The following IP6K3 variants were observed in gnomAD, a reference collection of about 807,000 sequenced individuals.
IP6K3 encodes the protein ATP:1D-myo-inositol-hexakisphosphate phosphotransferase.
IP6K3 carries 20 observed loss-of-function variants against 28.8 expected under a neutral mutation model. The observed-to-expected ratio is 0.70, with a 90% CI of 0.49 to 1.01. The LOEUF (loss-of-function observed/expected upper bound fraction) is 1.01, where lower values mean the gene tolerates loss of function less well. IP6K3 is among the 50% of genes least tolerant of loss of function. The pLI is 0.00. For missense variants in IP6K3, 480 were observed against 537.1 expected, an observed-to-expected ratio of 0.89 and a Z score of 1.05; for synonymous variants, 213 against 221.3, an observed-to-expected ratio of 0.96 and a Z score of 0.33.
At chr6:33,736,740 A>C (rs571487877) in intron 1 of IP6K3, among the ~76,000 whole-genome samples, 1 of 152,164 alleles carries the variant, frequency 6.6e-6, no homozygotes, top group Non-Finnish European at 1.5e-5. Context: ...ATGGGTGTGC[A>C]TCATTGATTT....
chr6:33,724,596 T>C (rs913145696), intron 5 of IP6K3, among the ~76,000 whole-genome samples: 3 of 152,186 alleles, frequency 2.0e-5, no homozygotes, highest in African/African-American at 7.2e-5. Flanking sequence ...GGTTATGAGC[T>C]TCCCACTTTA....
chr6:33,755,225 G>C, the IP6K3 span, among the ~76,000 whole-genome samples: 1 of 152,260 alleles, frequency 6.6e-6, no homozygotes, highest in Non-Finnish European at 1.5e-5. Context: ...CAGAAACCCA[G>C]ACCCCAAGTT....
At chr6:33,729,193 G>T (rs562240566) in intron 2 of IP6K3, among the ~76,000 whole-genome samples, 1 of 152,234 alleles carries the variant, frequency 6.6e-6, no homozygotes, top group Admixed American at 6.5e-5. Context: ...ACCCTTTAGC[G>T]TCCTTCCTCT....
chr6:33,741,977 A>C (rs138050513), intron 1 of IP6K3, among the ~76,000 whole-genome samples: 2 of 736 alleles, frequency 2.7e-3, no homozygotes, highest in East Asian at 0.083. Flanking sequence ...AAAACAAGCA[A>C]AAAAAAAAAA....
chr6:33,723,731 T>C (rs1315286975), intron 5 of IP6K3, among the ~76,000 whole-genome samples: 1 of 152,116 alleles, frequency 6.6e-6, no homozygotes, highest in Non-Finnish European at 1.5e-5. Flanking sequence ...AAAGACAGGC[T>C]AGGTCAGGTG....
chr6:33,722,207 TCCTGTGTCACC>T lies in IP6K3; in HGVS notation c.*502_*512del. The stretch of plus-strand genomic sequence containing the variant: ...AGATGGGTAGATCTCTTCTGCTTCA[TCCTGTGTCACC>T]TAAAACTCCGCTTAGGAAGATAAGA... On this transcript the variant is annotated 3_prime_UTR_variant, in exon 6 of 6. Transcript: ENST00000293756. 1.3e-5 allele frequency: 2 copies of T among 152,600 alleles called. No individual in the cohort carries two copies. The highest frequency in any genetic ancestry group is 2.0e-4 in the East Asian group (1 of 5,120). 9.5% of individuals were successfully genotyped at this position (152,600 alleles called of 1,614,324 possible).
upstream of IP6K3, among the ~76,000 whole-genome samples, chr6:33,750,902 C>T (rs1441715150): frequency 6.6e-6 from 1 of 152,188 alleles, no homozygotes; most frequent in Non-Finnish European, 1.5e-5. The surrounding 1 kb of genome is among the most constrained non-coding windows in gnomAD (Gnocchi z 4.3). Context: ...CAACCTCCAC[C>T]TCATTCTAGG....
chr6:33,748,861 G>GC (rs1166027192), upstream of IP6K3, among the ~76,000 whole-genome samples: 9 of 151,982 alleles, frequency 5.9e-5, no homozygotes, highest in African/African-American at 2.2e-4. Context: ...GTGGGGTGGG[G>GC]ATCCGATCCT....
rs371518355 is a variant in IP6K3, at chr6:33,722,768, G to A, written c.1185C>T (p.Gly395=). Residue 395 remains glycine, a synonymous_variant, in exon 6 of 6, where the codon GGC becomes GGT. Transcript: ENST00000293756. ...YDGPDPGYIF[G]LENLIRILQD... is the part of the protein sequence containing the mutation. The stretch of plus-strand genomic sequence containing the variant: ...GCAGGATCCTGATGAGGTTTTCCAG[G>A]CCAAAAATATAGCCAGGGTCTGGTC... 1 of 1,613,698 alleles carries A rather than the reference G, an allele frequency of 6.2e-7. No individual in the cohort carries two copies. The highest frequency in any genetic ancestry group is 1.1e-5 in the South Asian group (1 of 91,024).
At chr6:33,761,068 C>T in the IP6K3 span, among the ~76,000 whole-genome samples, 1 of 152,164 alleles carries the variant, frequency 6.6e-6, no homozygotes, top group Non-Finnish European at 1.5e-5. Context: ...TTTCAGGCCT[C>T]TTCCTCTTAG....
Position 33,742,987 on chromosome 6 carries a change from G to A in IP6K3, c.-180+3771C>T, listed in dbSNP as rs1432975973. On this transcript the variant is annotated intron_variant, in intron 1 of 5. Transcript: ENST00000293756. The surrounding 1 kb of genome is among the most constrained non-coding windows in gnomAD (Gnocchi z 4.5). Reference sequence around the variant, plus strand: ...AAGGAGATGGTGGGAGGCGATGGCTGGAGGGGAGTGTTGTGTGGAGGAGGA... The same window carrying A: ...AAGGAGATGGTGGGAGGCGATGGCTAGAGGGGAGTGTTGTGTGGAGGAGGA... Among the ~76,000 whole-genome samples the A allele has an allele frequency of 6.6e-6, 1 of 152,132 alleles. No homozygotes were observed. The highest frequency in any genetic ancestry group is 1.5e-5 in the Non-Finnish European group (1 of 68,030).
intron 1 of IP6K3, among the ~76,000 whole-genome samples, chr6:33,743,801 A>G (rs1370751014): frequency 6.6e-6 from 1 of 151,524 alleles, no homozygotes; most frequent in African/African-American, 2.4e-5. Flanking sequence ...GCAATACTTC[A>G]TATTCCTCAG....
At chr6:33,735,751 A>G in intron 1 of IP6K3, 96 bp from the exon 2 acceptor site, 1 of 572,482 alleles carries the variant, frequency 1.7e-6, no homozygotes, top group Admixed American at 3.5e-5. Flanking sequence ...CGACCCCAGA[A>G]CAGGTTCCTC....
upstream of IP6K3, among the ~76,000 whole-genome samples, chr6:33,749,002 C>T (rs886904404): frequency 2.0e-5 from 3 of 152,146 alleles, no homozygotes; most frequent in Admixed American, 2.0e-4. Context: ...GGTTACCTGG[C>T]CCTGGAAGAG....
intron 2 of IP6K3, among the ~76,000 whole-genome samples, chr6:33,734,406 G>T (rs1476763340): frequency 6.6e-6 from 1 of 152,270 alleles, no homozygotes; most frequent in Non-Finnish European, 1.5e-5. Flanking sequence ...CTTAATCATT[G>T]AAATGCAAAT....
intron 5 of IP6K3, among the ~76,000 whole-genome samples, chr6:33,724,040 C>A (rs567182128): frequency 7.2e-5 from 11 of 152,304 alleles, no homozygotes; most frequent in Non-Finnish European, 1.5e-5. Flanking sequence ...GAAGGGGCAG[C>A]CTGTGCCTGG....
Position 33,735,470 on chromosome 6 carries a change from C to T in IP6K3, c.7G>A (p.Val3Met), listed in dbSNP as rs1458114260. 1.9e-6 allele frequency: 3 copies of T among 1,609,070 alleles called. No individual in the cohort carries two copies. The highest frequency in any genetic ancestry group is 1.7e-6 in the Non-Finnish European group (2 of 1,179,816). The change falls in exon 2 of 6, where the codon GTG becomes ATG. Residue 3 changes from valine (V) to methionine (M), a missense_variant. Physicochemically the swap from Val to Met is conservative, Grantham distance 21. Transcript: ENST00000293756. MV[V>M]QNSADAGDMR... is the part of the protein sequence containing the mutation. ...TCCCCGGCGTCTGCGCTGTTTTGCACAACCATGGCGGCAGATGGTGGTGGT... is the reference window on the plus strand; with the variant it reads ...TCCCCGGCGTCTGCGCTGTTTTGCATAACCATGGCGGCAGATGGTGGTGGT...
intron 1 of IP6K3, among the ~76,000 whole-genome samples, chr6:33,745,278 T>A (rs1037785678): frequency 1.3e-5 from 2 of 152,064 alleles, no homozygotes; most frequent in African/African-American, 4.8e-5. Context: ...AAGAAGGAGA[T>A]GCCGCTGGCC....
chr6:33,722,877 C>T lies in IP6K3; in HGVS notation c.1076G>A (p.Gly359Asp), dbSNP rs1235206103. ...CATGCGGATGTCAACCTTGGTGAGA[C>T]CACCGGGAGAGCTACCGTGGGCTGC... is the stretch of plus-strand genomic sequence containing the variant. ...PQAAHGSSPGGLTKVDIRMID... is the reference protein window; with the variant it reads ...PQAAHGSSPGDLTKVDIRMID... Residue 359 changes from glycine to aspartate, a missense_variant, in exon 6 of 6, where the codon GGT becomes GAT. Physicochemically the swap from Gly to Asp is moderately conservative, Grantham distance 94. Transcript: ENST00000293756. 9.3e-6 allele frequency: 15 copies of T among 1,614,028 alleles called. No individual in the cohort carries two copies. Among genetic ancestry groups the T allele is most frequent in the African/African-American group, 1.3e-5 (1 of 74,898 alleles).
Sources: gnomAD v4.1 joint callset for allele counts (sites outside exome capture counted in the v4.1 genomes callset) on GRCh38, gnomAD v4.1.1 for gene constraint, Gnocchi (gnomAD v3.1) non-coding constraint, MANE v1.5 for transcripts, NCBI Gene and HGNC (gene_info 2026-07-23, HGNC 2026-07-21) for gene names.